Variants in ZFAT observed in about 807,000 individuals in gnomAD.
ZFAT encodes zinc finger and AT-hook domain containing.
Under a neutral mutation model 117.7 loss-of-function variants are expected in ZFAT, and 64 were observed. The ratio of observed to expected loss-of-function variants is 0.54; its 90% CI spans 0.44 to 0.67. The LOEUF is 0.67. ZFAT is among the 30% of genes least tolerant of loss of function. The pLI, the probability that ZFAT is intolerant of heterozygous loss-of-function variation, is 0.00. For missense variants in ZFAT, 1,433 were observed against 1,584.5 expected (o/e 0.90, Z 1.62); for synonymous variants, 679 against 615.0 (o/e 1.10, Z -1.54).
At chr8:134,692,787 C>G (rs572215526) in intron 1 of ZFAT, among the ~76,000 whole-genome samples, 1 of 152,326 alleles carries the variant, frequency 6.6e-6, no homozygotes, top group South Asian at 2.1e-4. Flanking sequence ...TAATTAAATA[C>G]TGAACTCTAG....
chr8:134,630,688 C>G (rs1331166572), intron 3 of ZFAT, among the ~76,000 whole-genome samples: 1 of 151,908 alleles, frequency 6.6e-6, no homozygotes, highest in East Asian at 2.0e-4. Context: ...TTTCAAAACA[C>G]CAGCTGTTCT....
chr8:134,620,959 T>C (rs897968441), intron 3 of ZFAT, among the ~76,000 whole-genome samples: 1 of 152,320 alleles, frequency 6.6e-6, no homozygotes, highest in Non-Finnish European at 1.5e-5. Context: ...TGAACCCTCT[T>C]CAAATATCCT....
intron 15 of ZFAT, among the ~76,000 whole-genome samples, chr8:134,500,706 G>A (rs1269416251): frequency 1.3e-5 from 2 of 152,156 alleles, no homozygotes; most frequent in African/African-American, 4.8e-5. Context: ...AAAAGAAAAG[G>A]TTCAAACAAC....
At chr8:134,660,218 AC>A (rs1176500981) in intron 1 of ZFAT, among the ~76,000 whole-genome samples, 1 of 152,216 alleles carries the variant, frequency 6.6e-6, no homozygotes, top group Non-Finnish European at 1.5e-5. Context: ...AGGAAAAGCA[AC>A]TTGCTCAAGT....
At chr8:134,713,866 CTG>C (rs1814140802), upstream of ZFAT, among the ~76,000 whole-genome samples, 1 of 128,068 alleles carries the variant, frequency 7.8e-6, no homozygotes, top group East Asian at 2.3e-4. Flanking sequence ...CCATTCCTAT[CTG>C]TCATTATCTC....
At chr8:134,746,855 C>A in the ZFAT span, among the ~76,000 whole-genome samples, 1 of 152,184 alleles carries the variant, frequency 6.6e-6, no homozygotes, top group African/African-American at 2.4e-5. Flanking sequence ...CTAGAATCCA[C>A]GCTTTGTGAA....
chr8:134,482,805 T>C (rs1817407169), intron 15 of ZFAT, among the ~76,000 whole-genome samples: 1 of 152,212 alleles, frequency 6.6e-6, no homozygotes, highest in Non-Finnish European at 1.5e-5. Flanking sequence ...AAGAGCAGGC[T>C]TCCTGGTGTG....
chr8:134,649,104 CAACACTCAACAAACCAAGAAT>C (rs998928695), intron 2 of ZFAT, among the ~76,000 whole-genome samples: 1 of 149,880 alleles, frequency 6.7e-6, no homozygotes, highest in Non-Finnish European at 1.5e-5. Context: ...AAAAAATAAA[CAACACTCAACAAACCAAGAAT>C]AAAAAGAGCT....
At chr8:134,656,158 T>C (rs937293962) in intron 2 of ZFAT, among the ~76,000 whole-genome samples, 8 of 152,180 alleles carry the variant, frequency 5.3e-5, no homozygotes, top group African/African-American at 1.9e-4. Flanking sequence ...GGGAGGGCGC[T>C]GAACTGCAAG....
At chr8:134,763,943 A>C in the ZFAT span, among the ~76,000 whole-genome samples, 3 of 152,032 alleles carry the variant, frequency 2.0e-5, no homozygotes, top group Non-Finnish European at 4.4e-5. Flanking sequence ...TATTTAGAAA[A>C]TTTTCCGTGT....
chr8:134,564,657 G>A (rs1049716451), intron 11 of ZFAT, among the ~76,000 whole-genome samples: 9 of 152,114 alleles, frequency 5.9e-5, no homozygotes, highest in Non-Finnish European at 1.3e-4. Flanking sequence ...CTTTCCATGT[G>A]TGCCATGTGT....
intron 15 of ZFAT, among the ~76,000 whole-genome samples, chr8:134,499,582 C>A (rs1211360275): frequency 9.8e-5 from 14 of 142,856 alleles, no homozygotes; most frequent in East Asian, 8.7e-4. Flanking sequence ...GGGATGCCCC[C>A]GCTGCTGGTT....
chr8:134,773,327 G>A, the ZFAT span, among the ~76,000 whole-genome samples: 11 of 152,178 alleles, frequency 7.2e-5, no homozygotes, highest in Admixed American at 3.3e-4. Flanking sequence ...TTTAAGCCCA[G>A]TGTTGAGACC....
At chr8:134,819,499 C>T in the ZFAT span, among the ~76,000 whole-genome samples, 2 of 67,424 alleles carry the variant, frequency 3.0e-5, no homozygotes, top group South Asian at 8.8e-4. Context: ...ATTTACCACC[C>T]CCCCCCCCCG....
the ZFAT span, among the ~76,000 whole-genome samples, chr8:134,813,347 C>T: frequency 2.0e-4 from 30 of 152,354 alleles, no homozygotes; most frequent in East Asian, 5.4e-3. Flanking sequence ...GCAGCCTTAT[C>T]CTCATGTGAC....
At chr8:134,565,020 G>A (rs977460606) in intron 11 of ZFAT, 8 of 1,315,820 alleles carry the variant, frequency 6.1e-6, no homozygotes, top group East Asian at 4.6e-5. Context: ...GCAAAAATAC[G>A]TGTCCCTAAA....
intron 1 of ZFAT, among the ~76,000 whole-genome samples, chr8:134,711,617 G>C (rs1814001608): frequency 6.6e-6 from 1 of 152,056 alleles, no homozygotes; most frequent in African/African-American, 2.4e-5. Context: ...GCGGGACTCT[G>C]TCCCAAAAAA....
chr8:134,694,225 G>C (rs113735002), intron 1 of ZFAT, among the ~76,000 whole-genome samples: 209 of 152,266 alleles, frequency 1.4e-3, no homozygotes, highest in African/African-American at 4.7e-3. Context: ...CGCCATAAAG[G>C]GTGTCGCTGG....
At chr8:134,573,111 T>C (rs1825047921) in intron 10 of ZFAT, among the ~76,000 whole-genome samples, 1 of 152,194 alleles carries the variant, frequency 6.6e-6, no homozygotes, top group Non-Finnish European at 1.5e-5. Context: ...GGCAATAATG[T>C]TGCAGGAGGA....
Sources: allele counts gnomAD v4.1 joint callset (sites outside exome capture counted in the v4.1 genomes callset), GRCh38; gene constraint gnomAD v4.1.1; transcripts MANE v1.5; gene names NCBI Gene and HGNC (gene_info 2026-07-23, HGNC 2026-07-21).